The following ABL2 variants were observed in gnomAD, a reference collection of about 807,000 sequenced individuals.
ABL2 encodes the protein tyrosine-protein kinase ABL2.
A neutral mutation model predicts 107.7 loss-of-function variants in ABL2; 49 were observed. The observed-to-expected ratio is 0.45, with a 90% confidence interval of 0.36 to 0.58. The LOEUF (loss-of-function observed/expected upper bound fraction) is 0.58, where lower values mean the gene tolerates loss of function less well. Among genes scored for constraint, ABL2 ranks in the 20% least tolerant of loss-of-function variants. ABL2 has a pLI of 0.00. For missense variants in ABL2, 1,245 were observed against 1,457.0 expected (o/e 0.85, Z 2.37); for synonymous variants, 549 against 548.6 (o/e 1.00, Z -0.01).
At chr1:179,167,364 G>A (rs1659448467) in intron 1 of ABL2, among the ~76,000 whole-genome samples, 1 of 152,194 alleles carries the variant, frequency 6.6e-6, no homozygotes, top group Non-Finnish European at 1.5e-5. Context: ...ATCTCATGGA[G>A]CGAGAGTATA....
chr1:179,152,583 T>C (rs1228046126), intron 1 of ABL2, among the ~76,000 whole-genome samples: 1 of 152,100 alleles, frequency 6.6e-6, no homozygotes, highest in Non-Finnish European at 1.5e-5. Context: ...TGTGTGTAAG[T>C]AAATAAAATA....
intron 1 of ABL2, among the ~76,000 whole-genome samples, chr1:179,207,337 C>A (rs1257256253): frequency 1.3e-5 from 2 of 152,072 alleles, no homozygotes; most frequent in African/African-American, 4.8e-5. Flanking sequence ...ATTAAAACGA[C>A]AACTATACAT....
rs930125170 is a variant in ABL2, at chr1:179,105,329, A to T, written c.*2389T>A. 1 of 231,422 alleles carries T rather than the reference A, an allele frequency of 4.3e-6. No individual in the cohort carries two copies. Among genetic ancestry groups the T allele is most frequent in the African/African-American group, 2.2e-5 (1 of 45,238 alleles). The allele number at this position is 231,422 out of a possible 1,614,324, so 14.3% of individuals were successfully genotyped here. Reference sequence around the variant, plus strand: ...CCCTTGCTTAAAAAACAAAAAACAAAAAAACCCTGAAAAACAATTACAATC... The same window carrying T: ...CCCTTGCTTAAAAAACAAAAAACAATAAAACCCTGAAAAACAATTACAATC... On this transcript the variant is annotated 3_prime_UTR_variant, in exon 12 of 12. Transcript: ENST00000502732.
In ABL2 at chr1:179,135,012, G is replaced by A. The variant is rs1276597152; in HGVS notation, c.158-1638C>T. 9.8e-5 allele frequency among the ~76,000 whole-genome samples: 15 copies of A among 152,350 alleles called. No individual in the cohort carries two copies. In the East Asian group the frequency reaches 1.2e-3, roughly 12 times the overall value. ...CTCCCGAGGTGCCGGGATTGCAGAC[G>A]GAGTCTCGTTCACTCAGTGCTCAAT... On this transcript the variant is annotated intron_variant, in intron 1 of 11. Coordinates refer to ENST00000502732, the MANE Select transcript of ABL2 (RefSeq NM_007314.4).
chr1:179,134,865 G>A (rs1180955781), intron 1 of ABL2, among the ~76,000 whole-genome samples: 6 of 152,246 alleles, frequency 3.9e-5, no homozygotes, highest in Admixed American at 2.6e-4. Context: ...GAGTGCCTGC[G>A]AGTGCAGGCG....
At position 179,124,707 on chromosome 1, in the gene ABL2, G is replaced by A. The variant is rs565431222; in HGVS notation, c.687+1670C>T. ...TGACATCCTGACCTCCAGTGATGAG[G>A]CCCACCTCGGCCTCCCAAAGTGCTG... On this transcript the variant is annotated intron_variant, in intron 4 of 11. Transcript: ENST00000502732. 4.6e-5 allele frequency among the ~76,000 whole-genome samples: 7 copies of A among 151,964 alleles called. No individual in the cohort carries two copies. The East Asian group carries it at 1.4e-3, about 29-fold the overall frequency.
rs528964569 is a variant in ABL2 at position 179,139,839 on chromosome 1, G to C, written c.158-6465C>G. Among the ~76,000 whole-genome samples the C allele has an allele frequency of 5.3e-5, 8 of 152,296 alleles. No homozygotes were observed. The South Asian group carries it at 8.3e-4, about 16-fold the overall frequency. On this transcript the variant is annotated intron_variant, in intron 1 of 11. Coordinates refer to ENST00000502732, the MANE Select transcript of ABL2 (RefSeq NM_007314.4). ...TGAACTGCTCAAGCAAGGGATCTAG[G>C]TTGAATGCTCCTTATGATAATCTAA...
At chr1:179,158,148 G>A (rs1205429336) in intron 1 of ABL2, among the ~76,000 whole-genome samples, 3 of 152,108 alleles carry the variant, frequency 2.0e-5, no homozygotes, top group Non-Finnish European at 4.4e-5. Context: ...CAGATTGTGA[G>A]GACTAGGATT....
chr1:179,150,609 G>A (rs1658300601), intron 1 of ABL2, among the ~76,000 whole-genome samples: 1 of 152,190 alleles, frequency 6.6e-6, no homozygotes, highest in South Asian at 2.1e-4. Context: ...GGTCTCATGA[G>A]ATGGAATCTA....
At chr1:179,117,762 G>C (rs1285307277) in intron 7 of ABL2, among the ~76,000 whole-genome samples, 1 of 152,138 alleles carries the variant, frequency 6.6e-6, no homozygotes, top group Non-Finnish European at 1.5e-5. Flanking sequence ...ACTGGGATAG[G>C]TGAGCAATAG....
chr1:179,130,286 G>C (rs899641562), intron 3 of ABL2, among the ~76,000 whole-genome samples: 1 of 152,214 alleles, frequency 6.6e-6, no homozygotes, highest in Non-Finnish European at 1.5e-5. Flanking sequence ...CATGTTGCCA[G>C]ACCTCACTGC....
intron 1 of ABL2, among the ~76,000 whole-genome samples, chr1:179,163,468 C>A (rs1659196863): frequency 6.6e-6 from 1 of 152,082 alleles, no homozygotes; most frequent in Non-Finnish European, 1.5e-5. Flanking sequence ...CAAACTGGGC[C>A]AGGCGCAGTG....
At chr1:179,227,824 G>T (rs575715524) in intron 1 of ABL2, among the ~76,000 whole-genome samples, 1 of 151,620 alleles carries the variant, frequency 6.6e-6, no homozygotes. Flanking sequence ...AGGCTGTGGC[G>T]GGTGGATCAT....
At chr1:179,138,245 T>C (rs773660070) in intron 1 of ABL2, among the ~76,000 whole-genome samples, 20 of 152,170 alleles carry the variant, frequency 1.3e-4, no homozygotes, top group Non-Finnish European at 2.2e-4. Context: ...TAGGAGAGTT[T>C]TCCAGTGGCT....
chr1:179,177,853 G>A (rs1042085784), intron 1 of ABL2, among the ~76,000 whole-genome samples: 2 of 152,060 alleles, frequency 1.3e-5, no homozygotes, highest in African/African-American at 2.4e-5. Flanking sequence ...TTTCTTTTCC[G>A]TAATGAATTA....
chr1:179,222,777 A>C (rs1662944559), intron 1 of ABL2, among the ~76,000 whole-genome samples: 1 of 152,018 alleles, frequency 6.6e-6, no homozygotes, highest in South Asian at 2.1e-4. Flanking sequence ...TGATATTCAG[A>C]GGAATATATT....
chr1:179,190,615 A>AG (rs1244090185), intron 1 of ABL2, among the ~76,000 whole-genome samples: 1 of 151,612 alleles, frequency 6.6e-6, no homozygotes, highest in Admixed American at 6.6e-5. Context: ...GGTGGGATGG[A>AG]GGGGGGTGAG....
At chr1:179,182,001 T>C (rs1660407324) in intron 1 of ABL2, among the ~76,000 whole-genome samples, 2 of 148,594 alleles carry the variant, frequency 1.3e-5, no homozygotes, top group African/African-American at 2.5e-5. Context: ...TTTCACCATG[T>C]TGGCCAGGAT....
At chr1:179,174,898 AAAAAAAAAAATAAAAT>A (rs1207023795) in intron 1 of ABL2, among the ~76,000 whole-genome samples, 44 of 82,678 alleles carry the variant, frequency 5.3e-4, no homozygotes, top group African/African-American at 1.7e-3. Context: ...TCTGTCTCAA[AAAAAAAAAAATAAAAT>A]AAAAAAAATA....
Sources: gnomAD v4.1 joint callset for allele counts (sites outside exome capture counted in the v4.1 genomes callset) on GRCh38, gnomAD v4.1.1 for gene constraint, MANE v1.5 for transcripts, NCBI Gene and HGNC (gene_info 2026-07-23, HGNC 2026-07-21) for gene names.